KIF1C: variants seen among roughly 807,000 people sequenced by gnomAD.
The protein encoded by KIF1C is kinesin-like protein KIF1C.
KIF1C carries 61 observed loss-of-function variants against 126.5 expected under a neutral mutation model. The ratio of observed to expected loss-of-function variants is 0.48; its 90% CI spans 0.39 to 0.60. The LOEUF is 0.60. Ranked by LOEUF, KIF1C falls within the 20% of genes least tolerant of loss-of-function variation. The pLI is 0.00. For synonymous variants in KIF1C, 640 were observed against 580.6 expected (o/e 1.10, Z -1.47); for missense variants, 1,315 against 1,489.2 (o/e 0.88, Z 1.93).
intron 16 of KIF1C, among the ~76,000 whole-genome samples, 180 bp from the exon 17 acceptor site, chr17:5,013,473 C>A (rs1260766448): frequency 6.6e-6 from 1 of 152,018 alleles, no homozygotes; most frequent in Admixed American, 6.6e-5. Context: ...AACCAAAGAA[C>A]GTCATCGGGG....
Position 5,020,939 on chromosome 17 carries a change from G to A in KIF1C, c.2010+61G>A, listed in dbSNP as rs571820748. Reference sequence around the variant, plus strand: ...GCAGATGAGCCGCAAGCCTGAGTCCGAGTGCAGTGCTCACCGCTGAGCCAG... The same window carrying A: ...GCAGATGAGCCGCAAGCCTGAGTCCAAGTGCAGTGCTCACCGCTGAGCCAG... On this transcript the variant is annotated intron_variant, in intron 21 of 22. Coordinates refer to ENST00000320785, the MANE Select transcript of KIF1C (RefSeq NM_006612.6). This position sits in a 1 kb window ranked among gnomAD's most constrained non-coding sequence, Gnocchi z 5.8. 2.8e-5 allele frequency: 40 copies of A among 1,428,410 alleles called. No homozygotes were observed. Among genetic ancestry groups the A allele is most frequent in the African/African-American group, 1.8e-4 (13 of 70,720 alleles). The allele number at this position is 1,428,410 out of a possible 1,614,324, so 88.5% of individuals were successfully genotyped here. A position where few individuals can be genotyped will look rare whatever the true frequency, so the allele number is the denominator to read the frequency against.
In KIF1C at chr17:5,013,654, C is replaced by G; in HGVS notation, c.1493C>G (p.Thr498Ser). Reference protein sequence around the residue: ...GTVGVFSPKKTPHLVNLNEDP... With the variant: ...GTVGVFSPKKSPHLVNLNEDP... Reference sequence around the variant, plus strand: ...GACCACCTTTCTCTCCCCGCTTAGACTCCCCACCTGGTGAACCTGAACGAA... The same window carrying G: ...GACCACCTTTCTCTCCCCGCTTAGAGTCCCCACCTGGTGAACCTGAACGAA... The change falls in exon 17 of 23, where the codon ACT becomes AGT. Residue 498 changes from threonine (T) to serine (S), a missense_variant and splice_region_variant. By Grantham distance (58) the Thr-to-Ser change is moderately conservative (BLOSUM62 1). Coordinates refer to ENST00000320785, the MANE Select transcript of KIF1C (RefSeq NM_006612.6). 2 of 1,613,202 alleles carry G rather than the reference C, an allele frequency of 1.2e-6. No individual in the cohort carries two copies. The highest frequency in any genetic ancestry group is 1.7e-6 in the Non-Finnish European group (2 of 1,179,252).
intron 16 of KIF1C, among the ~76,000 whole-genome samples, chr17:5,012,536 C>G (rs1020220521): frequency 6.6e-6 from 1 of 151,868 alleles, no homozygotes; most frequent in Non-Finnish European, 1.5e-5. Flanking sequence ...ATGGAGGAGG[C>G]CCAGGGATGC....
chr17:5,011,310 AC>A (rs926720819), intron 16 of KIF1C, among the ~76,000 whole-genome samples: 1 of 151,618 alleles, frequency 6.6e-6, no homozygotes. Flanking sequence ...TCTTGCTAAG[AC>A]CCCCACCACC....
In KIF1C at chr17:5,024,505, T is replaced by C; in HGVS notation, c.*354T>C. The C allele has an allele frequency of 4.3e-6, 1 of 231,192 alleles. No individual in the cohort carries two copies. The highest frequency in any genetic ancestry group is 8.4e-6 in the Non-Finnish European group (1 of 118,432). The allele number at this position is 231,192 out of a possible 1,614,324, so 14.3% of individuals were successfully genotyped here. On this transcript the variant is annotated 3_prime_UTR_variant, in exon 23 of 23. Coordinates refer to ENST00000320785, the MANE Select transcript of KIF1C (RefSeq NM_006612.6). ...CAAGTGGGGGAAAGTGGGAGAGGAC[T>C]GAGAGTGAGGCAAGTTCTCCCCAGC...
At chr17:5,007,922 C>G (rs1260979584) in intron 16 of KIF1C, among the ~76,000 whole-genome samples, 2 of 152,184 alleles carry the variant, frequency 1.3e-5, no homozygotes, top group Admixed American at 1.3e-4. Context: ...GAGGCATGAG[C>G]ACTACATTGT....
At position 5,020,461 on chromosome 17, in the gene KIF1C, C is replaced by T. The variant is rs549757038; in HGVS notation, c.1751-31C>T. On this transcript the variant is annotated intron_variant, in intron 19 of 22. Transcript: ENST00000320785. The surrounding 1 kb of genome is among the most constrained non-coding windows in gnomAD (Gnocchi z 5.8). ...GGATGGATTTGGTGCTGATGGGAAG[C>T]GAGTTTACTTTTCCCTCCTCCCATC... 2.8e-5 allele frequency: 44 copies of T among 1,578,974 alleles called. 1 individual carries two copies. The Middle Eastern group carries it at 5.1e-4, about 18-fold the overall frequency.
At chr17:5,017,181 G>A (rs1046683279) in intron 18 of KIF1C, among the ~76,000 whole-genome samples, 15 of 152,122 alleles carry the variant, frequency 9.9e-5, no homozygotes, top group African/African-American at 3.4e-4. Context: ...GCTACAGTGC[G>A]GAGAGATGAC....
intron 1 of KIF1C, among the ~76,000 whole-genome samples, chr17:4,998,433 C>T (rs1191764559): frequency 1.3e-5 from 2 of 152,184 alleles, no homozygotes; most frequent in East Asian, 1.9e-4. Context: ...CCCTTTCGGG[C>T]CGGTCGGCCC....
chr17:5,004,469 A>C, intron 11 of KIF1C, 98 bp from the exon 12 acceptor site: 1 of 1,091,008 alleles, frequency 9.2e-7, no homozygotes, highest in South Asian at 1.3e-5. Context: ...TGACCCTGTA[A>C]GACCTCTGCC....
chr17:5,015,620 C>T (rs1231123567), intron 18 of KIF1C, among the ~76,000 whole-genome samples: 6 of 89,942 alleles, frequency 6.7e-5, no homozygotes, highest in East Asian at 4.4e-4. Context: ...TCATTTGAGA[C>T]GGAGTCTCAC....
chr17:5,027,344 G>A lies in KIF1C; in HGVS notation c.*3193G>A, dbSNP rs1227957027. 1 of 152,198 alleles carries A rather than the reference G, an allele frequency of 6.6e-6. No homozygotes were observed. Among genetic ancestry groups the A allele is most frequent in the South Asian group, 2.1e-4 (1 of 4,832 alleles). 9.4% of individuals were successfully genotyped at this position (152,198 alleles called of 1,614,324 possible). On this transcript the variant is annotated 3_prime_UTR_variant, in exon 23 of 23. Transcript: ENST00000320785. Reference sequence around the variant, plus strand: ...AGGGTTTCACTATGTTGTCCAAGCTGGTTTCGAATTCCTGACCTCAGGTGA... The same window carrying A: ...AGGGTTTCACTATGTTGTCCAAGCTAGTTTCGAATTCCTGACCTCAGGTGA...
In KIF1C at chr17:5,020,357, C is replaced by T; in HGVS notation, c.1751-135C>T. On this transcript the variant is annotated intron_variant, in intron 19 of 22. Transcript: ENST00000320785. This position sits in a 1 kb window ranked among gnomAD's most constrained non-coding sequence, Gnocchi z 5.8. ...GGTGTCAGCCAGGGGAGCATAGGCTCCAACTGCCTTCAGACTTGGGGTGAT... is the reference window on the plus strand; with the variant it reads ...GGTGTCAGCCAGGGGAGCATAGGCTTCAACTGCCTTCAGACTTGGGGTGAT... 3.2e-6 allele frequency: 3 copies of T among 949,014 alleles called. No individual in the cohort carries two copies. The highest frequency in any genetic ancestry group is 4.7e-6 in the Non-Finnish European group (3 of 642,108). The allele number at this position is 949,014 out of a possible 1,614,324, so 58.8% of individuals were successfully genotyped here. A position where few individuals can be genotyped will look rare whatever the true frequency, so the allele number is the denominator to read the frequency against.
Position 5,024,734 on chromosome 17 carries a change from G to A in KIF1C, c.*583G>A, listed in dbSNP as rs1158038013. ...TGGCCTGTTTGTTTTGGGTTTTCAT[G>A]GAGGTGTAGGTTATATAAGGCAATG... On this transcript the variant is annotated 3_prime_UTR_variant, in exon 23 of 23. Transcript: ENST00000320785. 1 of 153,230 alleles carries A rather than the reference G, an allele frequency of 6.5e-6. No individual in the cohort carries two copies. Among genetic ancestry groups the A allele is most frequent in the African/African-American group, 2.4e-5 (1 of 41,430 alleles). 9.5% of individuals were successfully genotyped at this position (153,230 alleles called of 1,614,324 possible). A position where few individuals can be genotyped will look rare whatever the true frequency, so the allele number is the denominator to read the frequency against.
Position 5,002,716 on chromosome 17 carries a change from T to G in KIF1C, c.609-15T>G. On this transcript the variant is annotated splice_polypyrimidine_tract_variant and intron_variant, in intron 7 of 22. Transcript: ENST00000320785. ...GTGAGAGGCAGGATCCAGTGACTGC[T>G]TTCTTTACCCTAAGGACTGTGGCTG... The G allele has an allele frequency of 6.2e-7, 1 of 1,613,924 alleles. No individual in the cohort carries two copies.
chr17:5,022,690 G>A lies in KIF1C; in HGVS notation c.2609G>A (p.Arg870Lys). ...CGGGACCGCATGCTCCGCATGGAGA[G>A]GGTCATCCCCCTGGCCCAGGTAGGA... ...ALRDRMLRMERVIPLAQDHED... is the reference protein window; with the variant it reads ...ALRDRMLRMEKVIPLAQDHED... Residue 870 changes from arginine (R) to lysine (K), a missense_variant, in exon 22 of 23, where the codon AGG (arginine) becomes AAG (lysine). Physicochemically the swap from Arg to Lys is conservative, Grantham distance 26. Coordinates refer to ENST00000320785, the MANE Select transcript of KIF1C (RefSeq NM_006612.6). The surrounding 1 kb of genome is among the most constrained non-coding windows in gnomAD (Gnocchi z 4.9). The A allele has an allele frequency of 6.4e-7, 1 of 1,557,144 alleles. No homozygotes were observed. The highest frequency in any genetic ancestry group is 8.7e-7 in the Non-Finnish European group (1 of 1,152,394).
At chr17:5,019,115 G>C (rs1213982747) in intron 18 of KIF1C, 1 of 165,000 alleles carries the variant, frequency 6.1e-6, no homozygotes, top group Non-Finnish European at 1.5e-5. Flanking sequence ...TCTCCCAGCA[G>C]CATCCGTTGT....
At position 5,024,497 on chromosome 17, in the gene KIF1C, G is replaced by A. The variant is rs2143396949; in HGVS notation, c.*346G>A. The A allele has an allele frequency of 4.1e-6, 1 of 245,512 alleles. No individual in the cohort carries two copies. The highest frequency in any genetic ancestry group is 1.3e-4 in the South Asian group (1 of 7,946). The allele number at this position is 245,512 out of a possible 1,614,324, so 15.2% of individuals were successfully genotyped here. On this transcript the variant is annotated 3_prime_UTR_variant, in exon 23 of 23. Transcript: ENST00000320785. ...TTTCTTTTCAAGTGGGGGAAAGTGG[G>A]AGAGGACTGAGAGTGAGGCAAGTTC...
At position 5,024,667 on chromosome 17, in the gene KIF1C, G is replaced by T. The variant is rs570230507; in HGVS notation, c.*516G>T. The T allele has an allele frequency of 6.5e-6, 1 of 154,718 alleles. No individual in the cohort carries two copies. The highest frequency in any genetic ancestry group is 2.0e-4 in the South Asian group (1 of 4,914). 9.6% of individuals were successfully genotyped at this position (154,718 alleles called of 1,614,324 possible). A position where few individuals can be genotyped will look rare whatever the true frequency, so the allele number is the denominator to read the frequency against. ...GACTGGTTTGGCTGGAGTCCCATGA[G>T]GATGTGGGCCCTTTAATAAAGGATA... On this transcript the variant is annotated 3_prime_UTR_variant, in exon 23 of 23. Transcript: ENST00000320785.
Sources: gnomAD v4.1 joint callset for allele counts (sites outside exome capture counted in the v4.1 genomes callset) on GRCh38, gnomAD v4.1.1 for gene constraint, Gnocchi (gnomAD v3.1) non-coding constraint, MANE v1.5 for transcripts, NCBI Gene and HGNC (gene_info 2026-07-23, HGNC 2026-07-21) for gene names.